The following CAMTA1 variants were observed in gnomAD, a reference collection of about 807,000 sequenced individuals.
CAMTA1 encodes calmodulin-binding transcription activator 1.
Under a neutral mutation model 170.9 loss-of-function variants are expected in CAMTA1, and 27 were observed. The observed-to-expected ratio is 0.16, with a 90% confidence interval of 0.12 to 0.22. CAMTA1 has a LOEUF of 0.22. Ranked by LOEUF, CAMTA1 falls within the 10% of genes least tolerant of loss-of-function variation. CAMTA1 has a pLI of 1.00. For missense variants in CAMTA1, 1,619 were observed against 2,217.2 expected (o/e 0.73, Z 5.42); for synonymous variants, 833 against 891.5 (o/e 0.93, Z 1.17).
rs2149116182 is a variant in CAMTA1 at position 6,887,978 on chromosome 1, A to G, written c.234+62768A>G. 8.3e-7 allele frequency: 1 copy of G among 1,209,212 alleles called. No individual in the cohort carries two copies. The allele number at this position is 1,209,212 out of a possible 1,614,324, so 74.9% of individuals were successfully genotyped here. A position where few individuals can be genotyped will look rare whatever the true frequency, so the allele number is the denominator to read the frequency against. On this transcript the variant is annotated intron_variant, in intron 3 of 22. Transcript: ENST00000303635. This position sits in a 1 kb window ranked among gnomAD's most constrained non-coding sequence, Gnocchi z 4.1. Reference sequence around the variant, plus strand: ...GCTCTGTGCACACGCCTCCTGGTCCAGAGGCCTCCGTGACCATCCATGATG... The same window carrying G: ...GCTCTGTGCACACGCCTCCTGGTCCGGAGGCCTCCGTGACCATCCATGATG...
At chr1:7,706,415 C>T (rs2096525740) in intron 11 of CAMTA1, among the ~76,000 whole-genome samples, 1 of 152,200 alleles carries the variant, frequency 6.6e-6, no homozygotes, top group Non-Finnish European at 1.5e-5. Context: ...TTTTCTCTTA[C>T]TACCTTGAGG....
At chr1:7,751,444 G>T (rs1231863036) in intron 20 of CAMTA1, 52 bp downstream of exon 20, 2 of 1,465,710 alleles carry the variant, frequency 1.4e-6, no homozygotes, top group Admixed American at 2.4e-5. Context: ...AGAGAACTCT[G>T]ACTTCTTTGA....
chr1:7,492,926 AACAC>A (rs1053341193), intron 6 of CAMTA1, among the ~76,000 whole-genome samples: 12 of 127,706 alleles, frequency 9.4e-5, no homozygotes, highest in South Asian at 2.7e-4. Context: ...CAAACCTGCA[AACAC>A]ACACGCACGC....
chr1:7,188,964 C>T (rs988487134), intron 4 of CAMTA1, among the ~76,000 whole-genome samples: 8 of 152,162 alleles, frequency 5.3e-5, no homozygotes, highest in Non-Finnish European at 1.0e-4. Flanking sequence ...ACATCCTCAC[C>T]AACTCTTGTT....
chr1:7,728,374 C>T (rs1003139585), intron 11 of CAMTA1, among the ~76,000 whole-genome samples: 6 of 152,254 alleles, frequency 3.9e-5, no homozygotes, highest in East Asian at 1.9e-4. Context: ...CAGGCAGGCT[C>T]GCTCCAGGCT....
In CAMTA1 at chr1:7,738,946, C is replaced by T. The variant is rs774285920; in HGVS notation, c.4182+464C>T. Among the ~76,000 whole-genome samples the T allele has an allele frequency of 6.6e-6, 1 of 152,122 alleles. No individual in the cohort carries two copies. Among genetic ancestry groups the T allele is most frequent in the Admixed American group, 6.6e-5 (1 of 15,264 alleles). On this transcript the variant is annotated intron_variant, in intron 16 of 22. Transcript: ENST00000303635. This position sits in a 1 kb window ranked among gnomAD's most constrained non-coding sequence, Gnocchi z 4.9. Reference sequence around the variant, plus strand: ...TAGCCATTGTAAAGGGCATATATGGCGTGAGGCTCTCACGAGGGCAGCGAA... The same window carrying T: ...TAGCCATTGTAAAGGGCATATATGGTGTGAGGCTCTCACGAGGGCAGCGAA...
chr1:7,011,474 C>T (rs1699782444), intron 3 of CAMTA1, among the ~76,000 whole-genome samples: 2 of 152,180 alleles, frequency 1.3e-5, no homozygotes, highest in South Asian at 2.1e-4. Flanking sequence ...CTTCGCCCTC[C>T]TATCCACTCT....
At chr1:7,512,179 A>G (rs1212456218) in intron 6 of CAMTA1, among the ~76,000 whole-genome samples, 1 of 152,208 alleles carries the variant, frequency 6.6e-6, no homozygotes, top group Non-Finnish European at 1.5e-5. Flanking sequence ...CTCTGTACCA[A>G]TCACTGTTCT....
chr1:7,449,047 T>C (rs911002208), intron 5 of CAMTA1, among the ~76,000 whole-genome samples: 1 of 152,212 alleles, frequency 6.6e-6, no homozygotes, highest in Non-Finnish European at 1.5e-5. Context: ...TGGGGCGCCA[T>C]GGGCTGGAGG....
intron 4 of CAMTA1, among the ~76,000 whole-genome samples, chr1:7,125,946 A>G (rs1644907914): frequency 1.3e-5 from 2 of 152,178 alleles, no homozygotes; most frequent in Non-Finnish European, 2.9e-5. Context: ...ATTTATAAAG[A>G]AAAAGAGGTT....
rs147985506 is a variant in CAMTA1, at chr1:7,523,891, A to T, written c.510+55990A>T. On this transcript the variant is annotated intron_variant, in intron 6 of 22. Transcript: ENST00000303635. ...GAGTGAGACTCTATCTCGAAAAAAA[A>T]AATAATAATAATAATAATTTCATTT... Among the ~76,000 whole-genome samples the T allele has an allele frequency of 5.7e-3, 740 of 130,930 alleles. 5 individuals are homozygous for T. Among genetic ancestry groups the T allele is most frequent in the African/African-American group, 0.014 (487 of 34,384 alleles). The allele number at this position is 130,930 out of a possible 152,430, so 85.9% of individuals were successfully genotyped here. A position where few individuals can be genotyped will look rare whatever the true frequency, so the allele number is the denominator to read the frequency against.
intron 5 of CAMTA1, among the ~76,000 whole-genome samples, chr1:7,310,757 G>A (rs972757307): frequency 4.4e-5 from 6 of 137,306 alleles, no homozygotes; most frequent in South Asian, 2.4e-4. Context: ...TTTTAAGACA[G>A]TCTTGCTCTG....
intron 5 of CAMTA1, among the ~76,000 whole-genome samples, chr1:7,395,361 T>G (rs1234290859): frequency 6.6e-6 from 1 of 152,218 alleles, no homozygotes; most frequent in Non-Finnish European, 1.5e-5. Context: ...GTTGCCTTTG[T>G]TGAAAATTGG....
chr1:6,966,072 C>T (rs1368121818), intron 3 of CAMTA1, among the ~76,000 whole-genome samples: 4 of 152,146 alleles, frequency 2.6e-5, no homozygotes, highest in South Asian at 2.1e-4. Context: ...CACAGGGCTG[C>T]GCGCTGGCCA....
chr1:7,038,011 G>A (rs1264104769), intron 3 of CAMTA1, among the ~76,000 whole-genome samples: 1 of 151,654 alleles, frequency 6.6e-6, no homozygotes, highest in African/African-American at 2.4e-5. Context: ...CCTTGGGCAA[G>A]TTACTTAACC....
At chr1:7,380,550 G>T (rs560221249) in intron 5 of CAMTA1, among the ~76,000 whole-genome samples, 19 of 152,220 alleles carry the variant, frequency 1.2e-4, no homozygotes, top group African/African-American at 4.1e-4. Flanking sequence ...CTCCAGCCTG[G>T]GCAACAAGAG....
rs144706434 is a variant in CAMTA1, at chr1:7,351,655, T to G, written c.438+102029T>G. Among the ~76,000 whole-genome samples, 336 of 152,256 alleles carry G rather than the reference T, an allele frequency of 2.2e-3. 2 individuals carry two copies. The highest frequency in any genetic ancestry group is 7.8e-3 in the African/African-American group (324 of 41,546). ...ATGGAGATTGGAGAAACACATTCCA[T>G]TTTCTGTCGAGGGCATCGTCCCCTC... is the stretch of plus-strand genomic sequence containing the variant. On this transcript the variant is annotated intron_variant, in intron 5 of 22. Transcript: ENST00000303635.
At chr1:7,259,098 G>T (rs1038751801) in intron 5 of CAMTA1, among the ~76,000 whole-genome samples, 1 of 152,138 alleles carries the variant, frequency 6.6e-6, no homozygotes, top group Non-Finnish European at 1.5e-5. Flanking sequence ...TTTGATGGCC[G>T]CTGGCTCCGG....
intron 6 of CAMTA1, among the ~76,000 whole-genome samples, chr1:7,497,551 C>G (rs1419068721): frequency 6.6e-6 from 1 of 152,232 alleles, no homozygotes; most frequent in Admixed American, 6.5e-5. Flanking sequence ...GTTGCTTCAC[C>G]CACACGTTCC....
Sources: allele counts gnomAD v4.1 joint callset (sites outside exome capture counted in the v4.1 genomes callset), GRCh38; gene constraint gnomAD v4.1.1; non-coding constraint Gnocchi (gnomAD v3.1); transcripts MANE v1.5; gene names NCBI Gene and HGNC (gene_info 2026-07-23, HGNC 2026-07-21).